Variants in NAF1 observed in about 807,000 individuals in gnomAD.
NAF1 encodes nuclear assembly factor 1 ribonucleoprotein.
A neutral mutation model predicts 40.6 loss-of-function variants in NAF1; 11 were observed. That is an observed-to-expected ratio of 0.27 (90% CI 0.17 to 0.45). The LOEUF (loss-of-function observed/expected upper bound fraction) is 0.45. Among genes scored for constraint, NAF1 ranks in the 20% least tolerant of loss-of-function variants. The probability of loss-of-function intolerance (pLI) is 1.00; values close to 1 mark genes in which losing one functional copy is unlikely to be tolerated. For missense variants in NAF1, 607 were observed against 611.1 expected (o/e 0.99, Z 0.07); for synonymous variants, 260 against 228.5 (o/e 1.14, Z -1.24).
chr4:163,160,890 A>G (rs907949699), intron 2 of NAF1, among the ~76,000 whole-genome samples: 2 of 152,170 alleles, frequency 1.3e-5, no homozygotes, highest in Admixed American at 1.3e-4. Context: ...TAGCTAAGAT[A>G]CACAACCTCT....
intron 2 of NAF1, among the ~76,000 whole-genome samples, chr4:163,154,234 T>C (rs1321148962): frequency 1.3e-5 from 2 of 152,216 alleles, no homozygotes; most frequent in Non-Finnish European, 2.9e-5. Flanking sequence ...CTCTGTAATA[T>C]AGGAACGTAC....
intron 2 of NAF1, among the ~76,000 whole-genome samples, chr4:163,157,613 C>G (rs1284365202): frequency 6.6e-6 from 1 of 151,722 alleles, no homozygotes; most frequent in East Asian, 1.9e-4. Context: ...TCTGTGATAA[C>G]AGATACTCGT....
chr4:163,161,280 CTGGCCAACA>C (rs953499427), intron 2 of NAF1, among the ~76,000 whole-genome samples: 5 of 152,102 alleles, frequency 3.3e-5, no homozygotes, highest in Non-Finnish European at 5.9e-5. Flanking sequence ...TGAGACAAGC[CTGGCCAACA>C]TGGCAAAACC....
At chr4:163,126,909 C>A, downstream of NAF1, 1 of 1,484,154 alleles carries the variant, frequency 6.7e-7, no homozygotes, top group South Asian at 1.4e-5. Flanking sequence ...CTCAAAGGGT[C>A]ATTATTATTT....
chr4:163,125,308 A>C (rs1730623847), downstream of NAF1, among the ~76,000 whole-genome samples: 1 of 152,254 alleles, frequency 6.6e-6, no homozygotes, highest in Non-Finnish European at 1.5e-5. Context: ...CAGCTGAGGC[A>C]AACTAAAAGC....
chr4:163,136,684 T>C (rs1280949311), intron 6 of NAF1, among the ~76,000 whole-genome samples: 3 of 152,144 alleles, frequency 2.0e-5, no homozygotes, highest in African/African-American at 4.8e-5. Flanking sequence ...TTTGCTGACA[T>C]AGATACAAAA....
intron 4 of NAF1, among the ~76,000 whole-genome samples, chr4:163,140,672 G>T (rs150953506): frequency 6.6e-6 from 1 of 152,132 alleles, no homozygotes; most frequent in Non-Finnish European, 1.5e-5. Flanking sequence ...GTACCAACTC[G>T]ATGCAAATTA....
At chr4:163,164,463 T>G in intron 1 of NAF1, 72 bp from the exon 2 acceptor site, 1 of 1,093,044 alleles carries the variant, frequency 9.1e-7, no homozygotes, top group Non-Finnish European at 1.2e-6. Context: ...ATTATTCAAT[T>G]AAGAAATATC....
intron 2 of NAF1, among the ~76,000 whole-genome samples, chr4:163,150,912 C>T (rs1225515568): frequency 6.6e-6 from 1 of 152,070 alleles, no homozygotes; most frequent in Non-Finnish European, 1.5e-5. Context: ...ACAACCTTGC[C>T]ATTACTGATA....
chr4:163,153,710 C>T (rs964868202), intron 2 of NAF1, among the ~76,000 whole-genome samples: 24 of 152,272 alleles, frequency 1.6e-4, no homozygotes, highest in African/African-American at 5.8e-4. Flanking sequence ...CCAATCAGCG[C>T]CCTGACAAAA....
chr4:163,149,199 A>G (rs1731595948), intron 2 of NAF1, among the ~76,000 whole-genome samples: 1 of 152,162 alleles, frequency 6.6e-6, no homozygotes, highest in South Asian at 2.1e-4. Flanking sequence ...TAGATTAAAA[A>G]CACAGCTTTC....
chr4:163,159,372 T>C (rs1417929599), intron 2 of NAF1, among the ~76,000 whole-genome samples: 1 of 152,122 alleles, frequency 6.6e-6, no homozygotes, highest in Non-Finnish European at 1.5e-5. Flanking sequence ...ATAAGTGCTA[T>C]CAAAGTGTAT....
downstream of NAF1, among the ~76,000 whole-genome samples, chr4:163,109,717 G>A (rs1449847230): frequency 6.6e-6 from 1 of 152,168 alleles, no homozygotes; most frequent in Non-Finnish European, 1.5e-5. Flanking sequence ...AAGTGGCAAG[G>A]AGAGAGTGCT....
At chr4:163,153,885 T>C (rs1260708510) in intron 2 of NAF1, among the ~76,000 whole-genome samples, 2 of 152,178 alleles carry the variant, frequency 1.3e-5, no homozygotes, top group African/African-American at 2.4e-5. Context: ...GCTCACTCTT[T>C]GGGTCCACAC....
Position 163,153,240 on chromosome 4 carries a change from C to T in NAF1, c.541-4806G>A, listed in dbSNP as rs553212886. 3.3e-5 allele frequency among the ~76,000 whole-genome samples: 5 copies of T among 152,328 alleles called. No homozygotes were observed. The East Asian group carries it at 5.8e-4, about 18-fold the overall frequency. ...AGGGCTGAGGAGTACGAGCGCATGG[C>T]GTGGGACTGGCAGGCAGCTCCACCT... On this transcript the variant is annotated intron_variant, in intron 2 of 7. Transcript: ENST00000274054.
intron 2 of NAF1, chr4:163,110,323 G>C: frequency 2.9e-6 from 2 of 695,638 alleles, no homozygotes; most frequent in Non-Finnish European, 5.2e-6. Context: ...CAGATATTTT[G>C]AGAGAGAAAG....
downstream of NAF1, among the ~76,000 whole-genome samples, chr4:163,107,301 C>T (rs1453642048): frequency 6.6e-6 from 1 of 152,192 alleles, no homozygotes; most frequent in African/African-American, 2.4e-5. Flanking sequence ...GAGACTCTTG[C>T]TACTTACGTC....
At chr4:163,140,565 T>C (rs1007794150) in intron 4 of NAF1, among the ~76,000 whole-genome samples, 182 bp from the exon 5 acceptor site, 3 of 152,204 alleles carry the variant, frequency 2.0e-5, no homozygotes, top group African/African-American at 7.2e-5. Context: ...TCTTCATATA[T>C]TGATTAAAAT....
intron 2 of NAF1, among the ~76,000 whole-genome samples, chr4:163,160,421 C>T (rs1422652095): frequency 6.8e-6 from 1 of 147,254 alleles, no homozygotes; most frequent in Non-Finnish European, 1.5e-5. Context: ...TTGGTTATAA[C>T]CTAATTTTAA....
Sources: gnomAD v4.1 joint callset for allele counts (sites outside exome capture counted in the v4.1 genomes callset) on GRCh38, gnomAD v4.1.1 for gene constraint, MANE v1.5 for transcripts, NCBI Gene and HGNC (gene_info 2026-07-23, HGNC 2026-07-21) for gene names.